CCDC39: variants seen among roughly 807,000 people sequenced by gnomAD.
The protein encoded by CCDC39 is coiled-coil domain 39 molecular ruler complex subunit, also known as coiled-coil domain-containing protein 39.
A neutral mutation model predicts 121.0 loss-of-function variants in CCDC39; 113 were observed. The ratio of observed to expected loss-of-function variants is 0.93; its 90% CI spans 0.80 to 1.09. The LOEUF is 1.09. Ranked by LOEUF, CCDC39 falls within the 50% of genes least tolerant of loss-of-function variation. The pLI is 0.00. For synonymous variants in CCDC39, 349 were observed against 352.2 expected, an observed-to-expected ratio of 0.99 and a Z score of 0.10; for missense variants, 1,063 against 1,074.7, an observed-to-expected ratio of 0.99 and a Z score of 0.15.
intron 18 of CCDC39, 42 bp from the exon 19 acceptor site, chr3:180,616,405 T>G: frequency 6.5e-7 from 1 of 1,543,110 alleles, no homozygotes; most frequent in Non-Finnish European, 8.8e-7. Context: ...CTACCTACTG[T>G]TTTTTAGAAG....
At chr3:180,617,949 AT>A (rs1457647050) in intron 16 of CCDC39, 1 of 153,240 alleles carries the variant, frequency 6.5e-6, no homozygotes, top group African/African-American at 2.4e-5. Flanking sequence ...CGCAAGCTCC[AT>A]TTATGGTAAG....
chr3:180,667,048 T>TA (rs892923107), intron 1 of CCDC39, among the ~76,000 whole-genome samples: 3 of 152,034 alleles, frequency 2.0e-5, no homozygotes, highest in Non-Finnish European at 4.4e-5. Context: ...AGTTTTTTTT[T>TA]AAAAAAGGTA....
At chr3:180,633,611 G>A (rs1235015735) in intron 13 of CCDC39, among the ~76,000 whole-genome samples, 1 of 152,054 alleles carries the variant, frequency 6.6e-6, no homozygotes, top group East Asian at 1.9e-4. Context: ...ATCTGAGAAA[G>A]TAAAATACAA....
In CCDC39 at chr3:180,664,332, C is replaced by T. The variant is rs539126888; in HGVS notation, c.91-346G>A. On this transcript the variant is annotated intron_variant, in intron 1 of 19. Coordinates refer to ENST00000476379, the MANE Select transcript of CCDC39 (RefSeq NM_181426.2). Reference sequence around the variant, plus strand: ...TCTTTTCTTAAAAGAGCACCAACACCATTCATGAGGGCTCTACCTCTATGA... The same window carrying T: ...TCTTTTCTTAAAAGAGCACCAACACTATTCATGAGGGCTCTACCTCTATGA... Among the ~76,000 whole-genome samples the T allele has an allele frequency of 8.5e-5, 13 of 152,286 alleles. No individual in the cohort carries two copies. The East Asian group carries it at 2.3e-3, about 27-fold the overall frequency.
intron 11 of CCDC39, 85 bp from the exon 12 acceptor site, chr3:180,644,342 CATTAA>C (rs1166362244): frequency 2.7e-6 from 2 of 748,926 alleles, no homozygotes; most frequent in Non-Finnish European, 4.1e-6. Context: ...ATATATCTTA[CATTAA>C]ATTATATACT....
At chr3:180,641,653 T>G (rs180831879) in intron 13 of CCDC39, among the ~76,000 whole-genome samples, 49 of 152,156 alleles carry the variant, frequency 3.2e-4, no homozygotes, top group African/African-American at 1.1e-3. Context: ...TAGCCAGAAA[T>G]AATCTTATAA....
intron 7 of CCDC39, among the ~76,000 whole-genome samples, chr3:180,654,153 A>G (rs1243938382): frequency 6.6e-6 from 1 of 150,500 alleles, no homozygotes; most frequent in Non-Finnish European, 1.5e-5. Context: ...TAAATGTGTC[A>G]AGAATACACA....
chr3:180,628,306 G>T (rs767854680), intron 14 of CCDC39, among the ~76,000 whole-genome samples: 2 of 152,150 alleles, frequency 1.3e-5, no homozygotes, highest in Non-Finnish European at 2.9e-5. Flanking sequence ...CGCCTCCTGG[G>T]TTCATGCCAT....
chr3:180,615,000 G>A lies in CCDC39; in HGVS notation c.2747C>T (p.Ser916Leu). 6.4e-7 allele frequency: 1 copy of A among 1,562,488 alleles called. No homozygotes were observed. The highest frequency in any genetic ancestry group is 1.2e-5 in the South Asian group (1 of 84,710). Residue 916 changes from serine (S) to leucine (L), a missense_variant, in exon 20 of 20, where the codon TCA (serine) becomes TTA (leucine). Transcript: ENST00000476379. The stretch of plus-strand genomic sequence containing the variant: ...TGGCCTAGAAGGGCTGCCTACTAGT[G>A]AAGAGGAGGCCGGGAATTTAAGCTC... The part of the protein sequence containing the change: ...VLELKFPASS[S>L]LVGSPSRPSS...
chr3:180,616,334 T>A lies in CCDC39; in HGVS notation c.2616A>T (p.Thr872=). 6.2e-7 allele frequency: 1 copy of A among 1,613,284 alleles called. No homozygotes were observed. The highest frequency in any genetic ancestry group is 8.5e-7 in the Non-Finnish European group (1 of 1,179,418). The change falls in exon 19 of 20, where the codon ACA becomes ACT. Residue 872 remains threonine, a synonymous_variant. Transcript: ENST00000476379. ...ATCTAGAGCTCTGACGACTGCCTTT[T>A]GTGCTAGCTGTAGGTAGTTCTAACC... ...QSGLELPTAS[T]KGSRQSSRSP...
chr3:180,616,580 A>T lies in CCDC39; in HGVS notation c.2522T>A (p.Met841Lys), dbSNP rs753967073. The T allele has an allele frequency of 2.5e-6, 4 of 1,601,864 alleles. No homozygotes were observed. The African/African-American group carries it at 5.4e-5, about 21-fold the overall frequency. ...MKQFHKVIDEMLVDIIEENTE... is the reference protein window; with the variant it reads ...MKQFHKVIDEKLVDIIEENTE... Reference sequence around the variant, plus strand: ...ATTTTCTTCTATGATATCAACTAACATTTCATCAATAACTTTGTGAAACTG... The same window carrying T: ...ATTTTCTTCTATGATATCAACTAACTTTTCATCAATAACTTTGTGAAACTG... The change falls in exon 18 of 20, where the codon ATG becomes AAG. Residue 841 changes from methionine to lysine, a missense_variant. Coordinates refer to ENST00000476379, the MANE Select transcript of CCDC39 (RefSeq NM_181426.2).
At chr3:180,667,021 AC>A (rs1371109012) in intron 1 of CCDC39, among the ~76,000 whole-genome samples, 1 of 152,134 alleles carries the variant, frequency 6.6e-6, no homozygotes, top group East Asian at 1.9e-4. Context: ...GAAAGATAAA[AC>A]CCTAAATACT....
chr3:180,671,910 C>A (rs1386031818), intron 1 of CCDC39, among the ~76,000 whole-genome samples: 4 of 152,174 alleles, frequency 2.6e-5, no homozygotes, highest in Admixed American at 6.6e-5. Context: ...GTAGAGGCTG[C>A]AGCAAGTTAT....
rs183574208 is a variant in CCDC39 at position 180,660,585 on chromosome 3, A to G, written c.501T>C (p.Asp167=). ...ALTLQKYAQQ[D]DNKIRALTLQ... ...AATTTCTCACCCTGATTTTATTATC[A>G]TCTTGTTGTGCATACTTCTGGAGAG... is the stretch of plus-strand genomic sequence containing the variant. The change falls in exon 4 of 20, where the codon GAT becomes GAC. Residue 167 remains aspartate (D), a synonymous_variant. Transcript: ENST00000476379. 3.8e-6 allele frequency: 6 copies of G among 1,587,520 alleles called. No homozygotes were observed. The East Asian group carries it at 1.1e-4, about 30-fold the overall frequency.
intron 13 of CCDC39, among the ~76,000 whole-genome samples, chr3:180,632,643 A>C (rs573444291): frequency 6.6e-6 from 1 of 152,320 alleles, no homozygotes; most frequent in Non-Finnish European, 1.5e-5. Flanking sequence ...ATTAAAAAAA[A>C]CAGCAACATA....
intron 12 of CCDC39, among the ~76,000 whole-genome samples, chr3:180,642,785 A>G (rs1214774639): frequency 6.6e-6 from 1 of 152,166 alleles, no homozygotes; most frequent in Non-Finnish European, 1.5e-5. Context: ...CGTAACTACT[A>G]GAAATAGTAA....
intron 11 of CCDC39, 132 bp downstream of exon 11, chr3:180,646,947 C>A: frequency 1.4e-6 from 1 of 736,104 alleles, no homozygotes; most frequent in Non-Finnish European, 2.2e-6. Context: ...AAAATAAGAA[C>A]ATTGTTCATA....
chr3:180,673,510 A>C (rs569000945), intron 1 of CCDC39, among the ~76,000 whole-genome samples: 4 of 152,178 alleles, frequency 2.6e-5, no homozygotes, highest in African/African-American at 9.7e-5. Flanking sequence ...AGTATTTTCA[A>C]TTAAGGTATG....
Position 180,631,530 on chromosome 3 carries a change from G to A in CCDC39, c.1937C>T (p.Thr646Ile). 6.2e-7 allele frequency: 1 copy of A among 1,608,458 alleles called. No individual in the cohort carries two copies. Among genetic ancestry groups the A allele is most frequent in the East Asian group, 2.2e-5 (1 of 44,848 alleles). ...EKLKNRYEIL[T>I]VVMLPPEGEE... ...TCCTTCAGGAGGCAGCATAACAACAGTCAGAATTTCATATCTATTCTTCAG... is the reference window on the plus strand; with the variant it reads ...TCCTTCAGGAGGCAGCATAACAACAATCAGAATTTCATATCTATTCTTCAG... Residue 646 changes from threonine (T) to isoleucine (I), a missense_variant, in exon 14 of 20, where the codon ACT becomes ATT. By Grantham distance (89) the Thr-to-Ile change is moderately conservative. Transcript: ENST00000476379.
Sources: allele counts gnomAD v4.1 joint callset (sites outside exome capture counted in the v4.1 genomes callset), GRCh38; gene constraint gnomAD v4.1.1; transcripts MANE v1.5; gene names NCBI Gene and HGNC (gene_info 2026-07-23, HGNC 2026-07-21).